The following MACC1 variants were observed in gnomAD, a reference collection of about 807,000 sequenced individuals.
MACC1 encodes metastasis-associated in colon cancer protein 1.
MACC1 carries 79 observed loss-of-function variants against 70.7 expected under a neutral mutation model. That is an observed-to-expected ratio of 1.12 (90% confidence interval 0.93 to 1.35). MACC1 has a LOEUF of 1.35. MACC1 is among the 40% of genes most tolerant of loss of function. MACC1 has a pLI of 0.00. For missense variants in MACC1, 1,106 were observed against 978.1 expected, an observed-to-expected ratio of 1.13 and a Z score of -1.74; for synonymous variants, 361 against 347.2, an observed-to-expected ratio of 1.04 and a Z score of -0.44.
intron 1 of MACC1, among the ~76,000 whole-genome samples, chr7:20,171,290 C>T (rs1179144699): frequency 1.3e-5 from 2 of 150,194 alleles, no homozygotes; most frequent in African/African-American, 2.5e-5. Context: ...CTTGCTCTGT[C>T]GCCCAGGCTG....
At chr7:20,180,469 A>C (rs537581617) in intron 1 of MACC1, among the ~76,000 whole-genome samples, 1 of 152,170 alleles carries the variant, frequency 6.6e-6, no homozygotes, top group South Asian at 2.1e-4. Flanking sequence ...AAGAAAAAAA[A>C]ATGTATAGGC....
At chr7:20,160,641 C>G (rs1782127938) in intron 4 of MACC1, among the ~76,000 whole-genome samples, 1 of 152,002 alleles carries the variant, frequency 6.6e-6, no homozygotes, top group Non-Finnish European at 1.5e-5. Context: ...TAGAATAAAT[C>G]AGTTATTCAA....
At chr7:20,160,528 A>T (rs551120913) in intron 4 of MACC1, among the ~76,000 whole-genome samples, 8 of 152,174 alleles carry the variant, frequency 5.3e-5, no homozygotes, top group Non-Finnish European at 1.2e-4. Flanking sequence ...AATATGACCT[A>T]ATAATATATT....
At chr7:20,211,705 C>CA (rs2128109553) in intron 1 of MACC1, among the ~76,000 whole-genome samples, 1 of 152,244 alleles carries the variant, frequency 6.6e-6, no homozygotes, top group African/African-American at 2.4e-5. Context: ...AGCAATTTCT[C>CA]AATATCTCAT....
chr7:20,141,085 A>G lies in MACC1; in HGVS notation c.2420T>C (p.Leu807Ser), dbSNP rs1188030193. 4.3e-6 allele frequency: 7 copies of G among 1,613,668 alleles called. No individual in the cohort carries two copies. Among genetic ancestry groups the G allele is most frequent in the Non-Finnish European group, 5.9e-6 (7 of 1,179,820 alleles). The stretch of plus-strand genomic sequence containing the variant: ...GTCCAAAGCTGACTGAAGGTCTTGT[A>G]ACACATCTCTGTAGTTATTTCCATA... ...AHYGNNYRDV[L>S]QDLQSALDRM... is the part of the protein sequence containing the mutation. Residue 807 changes from leucine (L) to serine (S), a missense_variant, in exon 7 of 7, where the codon TTA becomes TCA. By Grantham distance (145) the Leu-to-Ser change is moderately radical. Coordinates refer to ENST00000400331, the MANE Select transcript of MACC1 (RefSeq NM_182762.4).
Position 20,165,711 on chromosome 7 carries a change from A to G in MACC1, c.-152-1312T>C, listed in dbSNP as rs12670490. Among the ~76,000 whole-genome samples, 1,205 of 152,000 alleles carry G rather than the reference A, an allele frequency of 7.9e-3. 25 individuals are homozygous for G. The highest frequency in any genetic ancestry group is 0.038 in the Admixed American group (581 of 15,262). On this transcript the variant is annotated intron_variant, in intron 2 of 6. Transcript: ENST00000400331. ...AAAACAGGATTTTTTTTTTTACTTT[A>G]TCTAGAGAAACATGAGTCAGTCTTT...
chr7:20,172,766 T>G (rs550289405), intron 1 of MACC1, among the ~76,000 whole-genome samples: 2 of 152,250 alleles, frequency 1.3e-5, no homozygotes, highest in African/African-American at 4.8e-5. Context: ...GAAGGAGCTC[T>G]TCCTCTCCTT....
At chr7:20,162,231 A>C (rs960384999) in intron 3 of MACC1, among the ~76,000 whole-genome samples, 1 of 152,146 alleles carries the variant, frequency 6.6e-6, no homozygotes, top group Non-Finnish European at 1.5e-5. Flanking sequence ...AATATCACAA[A>C]CTAAAAATTT....
At chr7:20,197,825 G>T (rs1194031324) in intron 1 of MACC1, among the ~76,000 whole-genome samples, 1 of 152,168 alleles carries the variant, frequency 6.6e-6, no homozygotes, top group African/African-American at 2.4e-5. Context: ...TCATGACTTA[G>T]TATCATGGCT....
chr7:20,154,117 T>C, intron 6 of MACC1, 76 bp downstream of exon 6: 1 of 1,456,348 alleles, frequency 6.9e-7, no homozygotes, highest in South Asian at 1.2e-5. Flanking sequence ...TCCGTGAATG[T>C]GGTATGGGTT....
At chr7:20,198,144 C>T (rs572955838) in intron 1 of MACC1, among the ~76,000 whole-genome samples, 1 of 152,242 alleles carries the variant, frequency 6.6e-6, no homozygotes, top group South Asian at 2.1e-4. Context: ...CTCAAGAAGA[C>T]CATATCATCT....
chr7:20,167,129 T>C (rs1364608801), intron 2 of MACC1, among the ~76,000 whole-genome samples: 1 of 152,220 alleles, frequency 6.6e-6, no homozygotes, highest in African/African-American at 2.4e-5. Flanking sequence ...ATGCATGGCT[T>C]TTCTTGTTTA....
chr7:20,196,839 G>T (rs1219747489), intron 1 of MACC1, among the ~76,000 whole-genome samples: 1 of 152,106 alleles, frequency 6.6e-6, no homozygotes, highest in East Asian at 1.9e-4. Flanking sequence ...TTGGCTGAAA[G>T]GTAAAAGGAT....
chr7:20,185,057 C>T (rs957771084), intron 1 of MACC1: 1 of 152,118 alleles, frequency 6.6e-6, no homozygotes, highest in Non-Finnish European at 1.5e-5. Flanking sequence ...GGGTAGAACA[C>T]ACGCCATTAC....
chr7:20,177,177 C>A (rs576625701), intron 1 of MACC1, among the ~76,000 whole-genome samples: 2 of 152,036 alleles, frequency 1.3e-5, no homozygotes, highest in Non-Finnish European at 2.9e-5. Flanking sequence ...ATTCCTGGGA[C>A]TCTATGATTA....
chr7:20,159,835 C>T lies in MACC1; in HGVS notation c.526G>A (p.Glu176Lys), dbSNP rs1489376803. 4.3e-6 allele frequency: 7 copies of T among 1,614,014 alleles called. No homozygotes were observed. The highest frequency in any genetic ancestry group is 5.9e-6 in the Non-Finnish European group (7 of 1,180,040). ...CTTAACCAAGCCATTTTATAAGCCT[C>T]CCGATCATTTTTAAGCCACTCTAAG... is the stretch of plus-strand genomic sequence containing the variant. Reference protein sequence around the residue: ...HDLEWLKNDREAYKMAWLSQR... With the variant: ...HDLEWLKNDRKAYKMAWLSQR... Residue 176 changes from glutamate to lysine, a missense_variant, in exon 5 of 7, where the codon GAG becomes AAG. Physicochemically the swap from Glu to Lys is moderately conservative, Grantham distance 56 (BLOSUM62 1). Coordinates refer to ENST00000400331, the MANE Select transcript of MACC1 (RefSeq NM_182762.4).
chr7:20,158,655 A>G lies in MACC1; in HGVS notation c.1706T>C (p.Phe569Ser). ...TGTGTCCCCTTTGAAATATTCAAGGAAGTAATCAATCTTGCTTTGTCTTAG... is the reference window on the plus strand; with the variant it reads ...TGTGTCCCCTTTGAAATATTCAAGGGAGTAATCAATCTTGCTTTGTCTTAG... ...AVLRQSKIDY[F>S]LEYFKGDTIA... Residue 569 changes from phenylalanine (F) to serine (S), a missense_variant, in exon 5 of 7, where the codon TTC becomes TCC. By Grantham distance (155) the Phe-to-Ser change is radical. Coordinates refer to ENST00000400331, the MANE Select transcript of MACC1 (RefSeq NM_182762.4). 6.2e-7 allele frequency: 1 copy of G among 1,614,018 alleles called. No homozygotes were observed.
chr7:20,157,114 G>A (rs73276434), intron 5 of MACC1, among the ~76,000 whole-genome samples: 19,714 of 152,162 alleles, frequency 0.13, 1,418 homozygotes, highest in Non-Finnish European at 0.15. Flanking sequence ...AACTTTTTAA[G>A]ACTTGGTTTC....
At chr7:20,151,920 A>G (rs1781985075) in intron 6 of MACC1, among the ~76,000 whole-genome samples, 1 of 152,196 alleles carries the variant, frequency 6.6e-6, no homozygotes, top group African/African-American at 2.4e-5. Context: ...TCTGAAGTCA[A>G]ATGTCTGTGC....
Sources: gnomAD v4.1 joint callset for allele counts (sites outside exome capture counted in the v4.1 genomes callset) on GRCh38, gnomAD v4.1.1 for gene constraint, MANE v1.5 for transcripts, NCBI Gene and HGNC (gene_info 2026-07-23, HGNC 2026-07-21) for gene names.